Variants in RSF1 observed in about 807,000 individuals in gnomAD.
RSF1 encodes HBV pX-associated protein 8.
In RSF1, 13 loss-of-function variants were observed where a neutral mutation model predicts 145.2. That is an observed-to-expected ratio of 0.09 (90% CI 0.06 to 0.14). The LOEUF is 0.14. Among genes scored for constraint, RSF1 ranks in the 10% least tolerant of loss-of-function variants. The pLI is 1.00. For synonymous variants in RSF1, 577 were observed against 592.6 expected, an observed-to-expected ratio of 0.97 and a Z score of 0.38; for missense variants, 1,517 against 1,718.2, an observed-to-expected ratio of 0.88 and a Z score of 2.07.
the RSF1 span, among the ~76,000 whole-genome samples, chr11:77,848,548 T>C: frequency 1.3e-5 from 2 of 152,002 alleles, no homozygotes; most frequent in African/African-American, 4.8e-5. Flanking sequence ...TCAGTAGAGG[T>C]GGGGTTTCAC....
intron 1 of RSF1, among the ~76,000 whole-genome samples, chr11:77,776,734 G>C (rs1179142378): frequency 1.3e-5 from 2 of 152,188 alleles, no homozygotes; most frequent in African/African-American, 4.8e-5. Context: ...AAGCAAACTA[G>C]AGTATCTGAA....
chr11:77,686,506 A>G lies in RSF1; in HGVS notation c.2901-1347T>C, dbSNP rs76903416. On this transcript the variant is annotated intron_variant, in intron 9 of 15. Transcript: ENST00000308488. ...GCTCTGACATGCCTCTGTATGTTAA[A>G]TTGAACTGAACTGAAATAGTAATCA... Among the ~76,000 whole-genome samples, 470 of 151,560 alleles carry G rather than the reference A, an allele frequency of 3.1e-3. 5 individuals carry two copies. The highest frequency in any genetic ancestry group is 0.011 in the African/African-American group (459 of 41,318).
At chr11:77,680,545 T>G (rs931764464) in intron 11 of RSF1, among the ~76,000 whole-genome samples, 1 of 152,006 alleles carries the variant, frequency 6.6e-6, no homozygotes, top group African/African-American at 2.4e-5. Context: ...AGCCCAGGAG[T>G]TGGGAGTCCA....
chr11:77,759,751 C>T (rs559502597), intron 2 of RSF1, among the ~76,000 whole-genome samples: 4 of 151,796 alleles, frequency 2.6e-5, no homozygotes, highest in Non-Finnish European at 5.9e-5. Flanking sequence ...ATCAGACAAG[C>T]CTGTGTTCAA....
At chr11:77,756,165 C>A (rs1294089650) in intron 2 of RSF1, among the ~76,000 whole-genome samples, 2 of 151,832 alleles carry the variant, frequency 1.3e-5, no homozygotes, top group African/African-American at 4.8e-5. Flanking sequence ...TGAGACCAGC[C>A]TGACCAACAC....
intron 1 of RSF1, among the ~76,000 whole-genome samples, chr11:77,765,153 A>G (rs1948213110): frequency 6.6e-6 from 1 of 152,128 alleles, no homozygotes; most frequent in African/African-American, 2.4e-5. Context: ...AAAACCATCA[A>G]GTAAAAGCAC....
At chr11:77,844,326 G>A in the RSF1 span, among the ~76,000 whole-genome samples, 1 of 152,018 alleles carries the variant, frequency 6.6e-6, no homozygotes, top group South Asian at 2.1e-4. Flanking sequence ...CACATATTAA[G>A]TCCATTGCAG....
chr11:77,776,302 TACAACA>T (rs1948341754), intron 1 of RSF1, among the ~76,000 whole-genome samples: 2 of 152,210 alleles, frequency 1.3e-5, no homozygotes, highest in Admixed American at 6.5e-5. Context: ...TTTTAGGTGT[TACAACA>T]TCAGTTAGAT....
rs769617404 is a variant in RSF1 at position 77,701,905 on chromosome 11, C to T, written c.1324G>A (p.Val442Ile). The change falls in exon 6 of 16, where the codon GTA becomes ATA. Residue 442 changes from valine to isoleucine, a missense_variant. Physicochemically the swap from Val to Ile is conservative, Grantham distance 29 (BLOSUM62 3). Coordinates refer to ENST00000308488, the MANE Select transcript of RSF1 (RefSeq NM_016578.4). Reference protein sequence around the residue: ...TALGHEGKQLVNGEVSDERVA... With the variant: ...TALGHEGKQLINGEVSDERVA... ...CTTTCATCACTAACTTCTCCATTTA[C>T]CAGCTGTTTCCCTTCATGACCCAAA... 1 of 1,613,766 alleles carries T rather than the reference C, an allele frequency of 6.2e-7. No individual in the cohort carries two copies.
chr11:77,764,640 G>C lies in RSF1; in HGVS notation c.237C>G (p.Gly79=). The C allele has an allele frequency of 6.2e-7, 1 of 1,609,882 alleles. No individual in the cohort carries two copies. Among genetic ancestry groups the C allele is most frequent in the Non-Finnish European group, 8.5e-7 (1 of 1,177,944 alleles). ...ELHLKLMRKI[G]KSVTADRWEK... ...CCCATCTGTCTGCAGTAACAGATTT[G>C]CCAATTTTCCTCATCAGCTTCAAAT... Residue 79 remains glycine, a synonymous_variant, in exon 2 of 16, where the codon GGC becomes GGG. Transcript: ENST00000308488.
At chr11:77,761,748 A>C (rs1013326654) in intron 2 of RSF1, among the ~76,000 whole-genome samples, 3 of 152,168 alleles carry the variant, frequency 2.0e-5, no homozygotes, top group African/African-American at 7.2e-5. Flanking sequence ...AGGAATGTGA[A>C]GAATAAGGCC....
chr11:77,805,403 T>C (rs1948667509), intron 1 of RSF1, among the ~76,000 whole-genome samples: 1 of 150,322 alleles, frequency 6.7e-6, no homozygotes, highest in African/African-American at 2.5e-5. Context: ...ATCACACCAC[T>C]ACACTCCAGC....
At chr11:77,711,507 A>G (rs1201219390) in intron 5 of RSF1, among the ~76,000 whole-genome samples, 1 of 152,122 alleles carries the variant, frequency 6.6e-6, no homozygotes, top group African/African-American at 2.4e-5. Flanking sequence ...TCTGTACTAA[A>G]AATACAAAAA....
rs796479316 is a variant in RSF1, at chr11:77,701,731, C to T, written c.1498G>A (p.Gly500Ser). 1.9e-6 allele frequency: 3 copies of T among 1,613,544 alleles called. No homozygotes were observed. In the Admixed American group the frequency reaches 5.0e-5, roughly 27 times the overall value. Reference sequence around the variant, plus strand: ...GGGGCTGTTTCTTTCTCAAGCTCACCTGTTTTCATACTTGTTATGACAGAA... The same window carrying T: ...GGGGCTGTTTCTTTCTCAAGCTCACTTGTTTTCATACTTGTTATGACAGAA... ...LNSVITSMKTGELEKETAPLR... is the reference protein window; with the variant it reads ...LNSVITSMKTSELEKETAPLR... Residue 500 changes from glycine (G) to serine (S), a missense_variant, in exon 6 of 16, where the codon GGT becomes AGT. Physicochemically the swap from Gly to Ser is moderately conservative, Grantham distance 56 (BLOSUM62 0). Around this residue, in one of 12 missense-constraint regions of RSF1, gnomAD observed 579 missense variants for 553.5 expected, o/e 1.05. Transcript: ENST00000308488.
In RSF1 at chr11:77,702,295, TTTC is replaced by T; in HGVS notation, c.931_933del (p.Glu311del). The T allele has an allele frequency of 6.2e-7, 1 of 1,609,956 alleles. No individual in the cohort carries two copies. The highest frequency in any genetic ancestry group is 8.5e-7 in the Non-Finnish European group (1 of 1,179,100). ...TTGACATTTTCCTTGAAGGAATCACTTTCTTCTTTGATAATCTTTTTTTCTTCA... is the reference window on the plus strand; with the variant it reads ...TTGACATTTTCCTTGAAGGAATCACTTTCTTTGATAATCTTTTTTTCTTCA... On this transcript the variant is annotated inframe_deletion, in exon 6 of 16. Transcript: ENST00000308488.
intron 15 of RSF1, among the ~76,000 whole-genome samples, chr11:77,668,694 G>A (rs1251216088): frequency 2.0e-5 from 3 of 152,122 alleles, no homozygotes; most frequent in African/African-American, 7.2e-5. Flanking sequence ...ACTGTATCAG[G>A]TATTTTAAAT....
intron 1 of RSF1, among the ~76,000 whole-genome samples, chr11:77,778,593 T>C (rs1218116500): frequency 6.6e-6 from 1 of 152,180 alleles, no homozygotes; most frequent in Non-Finnish European, 1.5e-5. Flanking sequence ...GTGATCTTCC[T>C]ACCTCAGCCT....
intron 5 of RSF1, among the ~76,000 whole-genome samples, chr11:77,708,178 G>A (rs1225290353): frequency 6.6e-6 from 1 of 152,166 alleles, no homozygotes. Flanking sequence ...CCAGCACTTT[G>A]GTGGGCCAAA....
intron 15 of RSF1, among the ~76,000 whole-genome samples, chr11:77,670,451 C>T (rs1048168611): frequency 2.0e-5 from 3 of 152,106 alleles, no homozygotes; most frequent in Non-Finnish European, 4.4e-5. Context: ...TTCCCAACCC[C>T]CTTTTCTCCT....
Sources: gnomAD v4.1 joint callset for allele counts (sites outside exome capture counted in the v4.1 genomes callset) on GRCh38, gnomAD v4.1.1 for gene constraint, gnomAD v4.1.1 regional missense constraint, MANE v1.5 for transcripts, NCBI Gene and HGNC (gene_info 2026-07-23, HGNC 2026-07-21) for gene names.